FAT1: variants seen among roughly 807,000 people sequenced by gnomAD.
FAT1 encodes protocadherin Fat 1.
FAT1 carries 171 observed loss-of-function variants against 329.8 expected under a neutral mutation model. The ratio of observed to expected loss-of-function variants is 0.52; its 90% confidence interval spans 0.46 to 0.59. The LOEUF (loss-of-function observed/expected upper bound fraction) is 0.59, where lower values mean the gene tolerates loss of function less well. FAT1 is among the 20% of genes least tolerant of loss of function. FAT1 has a pLI of 0.00. For synonymous variants in FAT1, 2,233 were observed against 2,228.6 expected (o/e 1.00, Z -0.06); for missense variants, 5,672 against 5,774.4 (o/e 0.98, Z 0.57).
Position 186,620,540 on chromosome 4 carries a change from T to C in FAT1, c.6046A>G (p.Ile2016Val). The C allele has an allele frequency of 6.2e-7, 1 of 1,613,958 alleles. No homozygotes were observed. The highest frequency in any genetic ancestry group is 8.5e-7 in the Non-Finnish European group (1 of 1,179,870). The change falls in exon 10 of 27, where the codon ATC becomes GTC. Residue 2016 changes from isoleucine (I) to valine (V), a missense_variant. Ile to Val is a conservative substitution (Grantham distance 29). This residue lies in a region of FAT1 where 3,966 missense variants were observed against 3,915.2 expected (regional missense o/e 1.01). Coordinates refer to ENST00000441802, the MANE Select transcript of FAT1 (RefSeq NM_005245.4). ...NPINEPLFYH[I>V]LNPDRRFKIS... The stretch of plus-strand genomic sequence containing the variant: ...TTAAATCTGCGATCTGGGTTGAGGA[T>C]GTGATAAAACAAAGGCTCATTGATT...
At chr4:186,699,014 C>T (rs1744171022) in intron 2 of FAT1, among the ~76,000 whole-genome samples, 2 of 152,188 alleles carry the variant, frequency 1.3e-5, no homozygotes, top group Admixed American at 1.3e-4. Flanking sequence ...TAATTTGGCA[C>T]AGACATGAAC....
chr4:186,652,901 C>G (rs953803451), intron 3 of FAT1, among the ~76,000 whole-genome samples: 1 of 152,176 alleles, frequency 6.6e-6, no homozygotes, highest in Non-Finnish European at 1.5e-5. Flanking sequence ...AACTTTACTG[C>G]GTGCTTTAGG....
chr4:186,725,958 C>G (rs1386898726), upstream of FAT1, among the ~76,000 whole-genome samples: 2 of 152,230 alleles, frequency 1.3e-5, no homozygotes, highest in Non-Finnish European at 2.9e-5. This position sits in a 1 kb window ranked among gnomAD's most constrained non-coding sequence, Gnocchi z 5.4. Flanking sequence ...CGGGGAGGTC[C>G]AGGTTCGCCT....
intron 2 of FAT1, among the ~76,000 whole-genome samples, chr4:186,673,129 A>ACTG (rs1192347692): frequency 6.6e-6 from 1 of 152,240 alleles, no homozygotes. Context: ...AAAATTTTTT[A>ACTG]AACACACATA....
At chr4:186,616,856 C>A in intron 11 of FAT1, 149 bp downstream of exon 11, 1 of 637,420 alleles carries the variant, frequency 1.6e-6, no homozygotes, top group Non-Finnish European at 2.6e-6. Flanking sequence ...GAAGCTTTTC[C>A]AAGTCTTACC....
chr4:186,619,213 T>C lies in FAT1; in HGVS notation c.7373A>G (p.Lys2458Arg), dbSNP rs1261626966. ...TLSNLHRHAL[K>R]PFYSLNLSVS... is the part of the protein sequence containing the mutation. ...TGACAGGTTAAGACTGTAAAATGGC[T>C]TCAGGGCGTGCCGGTGCAGGTTTGA... Residue 2458 changes from lysine (K) to arginine (R), a missense_variant, in exon 10 of 27, where the codon AAG (lysine) becomes AGG (arginine). Around this residue, in one of 2 missense-constraint regions of FAT1, gnomAD observed 3,966 missense variants for 3,915.2 expected, o/e 1.01. Coordinates refer to ENST00000441802, the MANE Select transcript of FAT1 (RefSeq NM_005245.4). 5.6e-6 allele frequency: 9 copies of C among 1,613,858 alleles called. No homozygotes were observed. Among genetic ancestry groups the C allele is most frequent in the Non-Finnish European group, 7.6e-6 (9 of 1,179,920 alleles).
At chr4:186,636,504 T>C in intron 5 of FAT1, 81 bp downstream of exon 5, 5 of 1,394,588 alleles carry the variant, frequency 3.6e-6, no homozygotes, top group Non-Finnish European at 3.9e-6. Context: ...AAAATAGAAA[T>C]AAAGTTACTA....
chr4:186,591,106 G>A (rs551829515), intron 26 of FAT1, among the ~76,000 whole-genome samples: 5 of 152,326 alleles, frequency 3.3e-5, no homozygotes, highest in East Asian at 1.9e-4. Flanking sequence ...GCCATGAGAC[G>A]CCTGCCCAGG....
rs935510544 is a variant in FAT1, at chr4:186,597,152, C to T, written c.12388G>A (p.Glu4130Lys). The change falls in exon 25 of 27, where the codon GAG (glutamate) becomes AAG (lysine). Residue 4130 changes from glutamate to lysine, a missense_variant. By Grantham distance (56) the Glu-to-Lys change is moderately conservative. Transcript: ENST00000441802. Reference protein sequence around the residue: ...RGERCQSDIDECSGNPCLHGA... With the variant: ...RGERCQSDIDKCSGNPCLHGA... ...TGCAGGCAAGGGTTTCCAGAGCACT[C>T]GTCGATATCACTCTGACACCTGCCA... The T allele has an allele frequency of 6.2e-7, 1 of 1,609,378 alleles. No individual in the cohort carries two copies. Among genetic ancestry groups the T allele is most frequent in the Non-Finnish European group, 8.5e-7 (1 of 1,177,536 alleles).
At position 186,614,226 on chromosome 4, in the gene FAT1, G is replaced by T; in HGVS notation, c.9194C>A (p.Ser3065Ter). 6.2e-7 allele frequency: 1 copy of T among 1,600,724 alleles called. No homozygotes were observed. The highest frequency in any genetic ancestry group is 8.5e-7 in the Non-Finnish European group (1 of 1,175,902). Residue 3065 changes from serine to a stop codon, truncating the protein, a stop_gained, in exon 12 of 27, where the codon TCA (serine) becomes TAA (stop). Transcript: ENST00000441802. LOFTEE classifies it high-confidence loss of function. ...ATTTAGTTTGAATTTTTCTGCACCT[G>T]AACCCAATAACGTGTAAGTAATTTC... ...NAEITYTLLG[S>*]GAEKFKLNPD...
At chr4:186,602,859 C>T in intron 20 of FAT1, 44 bp downstream of exon 20, 1 of 1,568,630 alleles carries the variant, frequency 6.4e-7, no homozygotes, top group Non-Finnish European at 8.7e-7. Context: ...AACAATGAAA[C>T]CGATTTTTAA....
chr4:186,635,978 C>T (rs1159167809), intron 6 of FAT1, 47 bp downstream of exon 6: 14 of 1,534,950 alleles, frequency 9.1e-6, no homozygotes, highest in Middle Eastern at 1.9e-4. Flanking sequence ...TGCAGGTTCT[C>T]CTCAGTGTAA....
intron 22 of FAT1, among the ~76,000 whole-genome samples, chr4:186,599,368 TAA>T (rs1738684140): frequency 6.6e-6 from 1 of 152,164 alleles, no homozygotes. Flanking sequence ...TAAGTGGGCC[TAA>T]CAGGAGTCCA....
At chr4:186,695,539 G>A (rs962679743) in intron 2 of FAT1, among the ~76,000 whole-genome samples, 7 of 152,112 alleles carry the variant, frequency 4.6e-5, no homozygotes, top group African/African-American at 1.7e-4. Flanking sequence ...TAGTTATTTA[G>A]ATAAGCGTTT....
intron 3 of FAT1, among the ~76,000 whole-genome samples, chr4:186,642,778 A>G (rs1741163390): frequency 6.6e-6 from 1 of 152,226 alleles, no homozygotes; most frequent in Admixed American, 6.5e-5. Context: ...CACCCACAGA[A>G]GTGAGCATAA....
rs1260298787 is a variant in FAT1, at chr4:186,609,995, T to C, written c.9874A>G (p.Asn3292Asp). 1.9e-6 allele frequency: 3 copies of C among 1,611,250 alleles called. No homozygotes were observed. The highest frequency in any genetic ancestry group is 2.5e-6 in the Non-Finnish European group (3 of 1,177,546). Residue 3292 changes from asparagine (N) to aspartate (D), a missense_variant, in exon 15 of 27, where the codon AAT (asparagine) becomes GAT (aspartate). Physicochemically the swap from Asn to Asp is conservative, Grantham distance 23. This residue lies in a region of FAT1 where 1,706 missense variants were observed against 1,859.1 expected (regional missense o/e 0.92). Transcript: ENST00000441802. ...TCATGAGAGCTCTCATAATCCAGAT[T>C]CTCAATGATAAATACGGCCCCTGAA... ...SKTGAVFIIENLDYESSHEYY... is the reference protein window; with the variant it reads ...SKTGAVFIIEDLDYESSHEYY...
rs1745569273 is a variant in FAT1 at position 186,723,684 on chromosome 4, G to C, written c.-39C>G. The C allele has an allele frequency of 6.6e-6, 1 of 151,284 alleles. No individual in the cohort carries two copies. Among genetic ancestry groups the C allele is most frequent in the Non-Finnish European group, 1.5e-5 (1 of 67,818 alleles). 9.4% of individuals were successfully genotyped at this position (151,284 alleles called of 1,614,324 possible). A position where few individuals can be genotyped will look rare whatever the true frequency, so the allele number is the denominator to read the frequency against. On this transcript the variant is annotated 5_prime_UTR_variant, in exon 1 of 27. Coordinates refer to ENST00000441802, the MANE Select transcript of FAT1 (RefSeq NM_005245.4). ...CTAACCGCAAAGTTGGCCCGAAGTG[G>C]CGACGGCGCTCTCGTGGAGCTCACC...
chr4:186,639,908 C>T, intron 3 of FAT1, 125 bp from the exon 4 acceptor site: 1 of 729,842 alleles, frequency 1.4e-6, no homozygotes. Context: ...TTGGGAGGCC[C>T]AGGGGGGTGG....
chr4:186,663,500 T>G lies in FAT1; in HGVS notation c.3379A>C (p.Ile1127Leu). The change falls in exon 3 of 27, where the codon ATA (isoleucine) becomes CTA (leucine). Residue 1127 changes from isoleucine to leucine, a missense_variant. Around this residue, in one of 2 missense-constraint regions of FAT1, gnomAD observed 3,966 missense variants for 3,915.2 expected, o/e 1.01. Transcript: ENST00000441802. ...VPLSSFIEIYIEVEDVNDNAP... is the reference protein window; with the variant it reads ...VPLSSFIEIYLEVEDVNDNAP... ...TTGTCATTGACATCCTCAACCTCTATGTAGATCTCTATGAACGATGAAAGA... is the reference window on the plus strand; with the variant it reads ...TTGTCATTGACATCCTCAACCTCTAGGTAGATCTCTATGAACGATGAAAGA... 6.2e-7 allele frequency: 1 copy of G among 1,614,036 alleles called. No individual in the cohort carries two copies. The highest frequency in any genetic ancestry group is 1.3e-5 in the African/African-American group (1 of 75,042).
Sources: allele counts gnomAD v4.1 joint callset (sites outside exome capture counted in the v4.1 genomes callset), GRCh38; gene constraint gnomAD v4.1.1; regional missense constraint gnomAD v4.1.1; non-coding constraint Gnocchi (gnomAD v3.1); transcripts MANE v1.5; gene names NCBI Gene and HGNC (gene_info 2026-07-23, HGNC 2026-07-21).